SFMBT1: variants seen among roughly 807,000 people sequenced by gnomAD.
SFMBT1 encodes Scm like with four mbt domains 1, also known as scm-like with four MBT domains protein 1.
SFMBT1 carries 32 observed loss-of-function variants against 108.7 expected under a neutral mutation model. The ratio of observed to expected loss-of-function variants is 0.29; its 90% confidence interval spans 0.22 to 0.40. The LOEUF (loss-of-function observed/expected upper bound fraction) is 0.40. Ranked by LOEUF, SFMBT1 falls within the 10% of genes least tolerant of loss-of-function variation. The pLI is 1.00. For synonymous variants in SFMBT1, 348 were observed against 369.5 expected (o/e 0.94, Z 0.67); for missense variants, 816 against 1,059.6 (o/e 0.77, Z 3.19).
chr3:53,037,772 T>C (rs956710345), intron 1 of SFMBT1, among the ~76,000 whole-genome samples: 1 of 152,126 alleles, frequency 6.6e-6, no homozygotes, highest in African/African-American at 2.4e-5. Flanking sequence ...CCAGAAGTTT[T>C]GAGACCAGGT....
chr3:52,908,131 T>C (rs1702121561), intron 17 of SFMBT1, among the ~76,000 whole-genome samples: 1 of 144,406 alleles, frequency 6.9e-6, no homozygotes, highest in African/African-American at 2.6e-5. Flanking sequence ...TGGAGTGGAG[T>C]GGCACGATCT....
chr3:52,907,296 C>A lies in SFMBT1; in HGVS notation c.2104G>T (p.Glu702Ter). 1 of 1,613,360 alleles carries A rather than the reference C, an allele frequency of 6.2e-7. No homozygotes were observed. The highest frequency in any genetic ancestry group is 8.5e-7 in the Non-Finnish European group (1 of 1,179,770). ...TCATCCCCTTCATCTGGGTCATCCT[C>A]ATCTTCACCCCCACTTCCCTGCAGG... is the stretch of plus-strand genomic sequence containing the variant. ...GSPQGSGGED[E>*]DDPDEGDDDS... The change falls in exon 19 of 21, where the codon GAG (glutamate) becomes TAG (stop). Residue 702 changes from glutamate to a stop codon, truncating the protein, a stop_gained. Coordinates refer to ENST00000394752, the MANE Select transcript of SFMBT1 (RefSeq NM_016329.4). LOFTEE classifies it high-confidence loss of function.
chr3:52,960,877 C>T (rs1703938829), intron 2 of SFMBT1, among the ~76,000 whole-genome samples: 2 of 152,172 alleles, frequency 1.3e-5, no homozygotes, highest in African/African-American at 4.8e-5. Context: ...TGGCTCATGC[C>T]TGTAATCCCA....
intron 1 of SFMBT1, among the ~76,000 whole-genome samples, chr3:53,001,014 T>C (rs1698529780): frequency 6.7e-6 from 1 of 150,078 alleles, no homozygotes; most frequent in Non-Finnish European, 1.5e-5. Context: ...GAATAATGGA[T>C]ATTTGGATGT....
rs115868728 is a variant in SFMBT1, at chr3:52,914,706, T to C, written c.1481-1089A>G. Among the ~76,000 whole-genome samples the C allele has an allele frequency of 4.9e-3, 744 of 152,316 alleles. 8 individuals carry two copies. Among genetic ancestry groups the C allele is most frequent in the African/African-American group, 0.017 (697 of 41,556 alleles). On this transcript the variant is annotated intron_variant, in intron 14 of 20. Transcript: ENST00000394752. The stretch of plus-strand genomic sequence containing the variant: ...TTGCAGTGAGCTGATATCACTGCAC[T>C]GCACTCCAGCCTGGATGACACAGCG...
chr3:52,906,516 G>C (rs1260251239), intron 19 of SFMBT1, among the ~76,000 whole-genome samples: 1 of 152,230 alleles, frequency 6.6e-6, no homozygotes, highest in Non-Finnish European at 1.5e-5. Context: ...GTGCTGAAGA[G>C]AAGGGGATGA....
rs748520518 is a variant in SFMBT1 at position 52,907,679 on chromosome 3, T to C, written c.1961A>G (p.His654Arg). The C allele has an allele frequency of 2.5e-6, 4 of 1,614,166 alleles. No individual in the cohort carries two copies. Among genetic ancestry groups the C allele is most frequent in the South Asian group, 1.1e-5 (1 of 91,056 alleles). ...NKRIGRPPGG[H>R]SNLACALKKA... is the part of the protein sequence containing the mutation. ...TTTCAGGGCACAAGCTAAGTTACTA[T>C]GCCCACCAGGTGGCCTCCCAATTCT... The change falls in exon 18 of 21, where the codon CAT (histidine) becomes CGT (arginine). Residue 654 changes from histidine to arginine, a missense_variant. This residue lies in a region of SFMBT1 where 177 missense variants were observed against 182.0 expected (regional missense o/e 0.97). Coordinates refer to ENST00000394752, the MANE Select transcript of SFMBT1 (RefSeq NM_016329.4).
chr3:52,972,655 C>G (rs750388128), intron 1 of SFMBT1, among the ~76,000 whole-genome samples: 5 of 151,830 alleles, frequency 3.3e-5, no homozygotes, highest in Non-Finnish European at 7.4e-5. Flanking sequence ...CGCCTGTAAT[C>G]CCAGCACTTT....
chr3:53,006,072 A>T (rs986111702), intron 1 of SFMBT1, among the ~76,000 whole-genome samples: 1 of 152,234 alleles, frequency 6.6e-6, no homozygotes, highest in Admixed American at 6.5e-5. Context: ...TGCCTGAAGA[A>T]GTTGATTAGC....
At chr3:52,936,093 A>T (rs935188992) in intron 4 of SFMBT1, among the ~76,000 whole-genome samples, 1 of 152,222 alleles carries the variant, frequency 6.6e-6, no homozygotes, top group Non-Finnish European at 1.5e-5. Flanking sequence ...CCTCAAGAGC[A>T]TGAAGAGGCA....
chr3:52,962,934 T>G (rs1434559679), intron 2 of SFMBT1, among the ~76,000 whole-genome samples: 2 of 151,934 alleles, frequency 1.3e-5, no homozygotes, highest in African/African-American at 2.4e-5. Context: ...TAAAACTGGC[T>G]ATATATATGG....
chr3:52,909,198 T>G (rs1702155388), intron 17 of SFMBT1, among the ~76,000 whole-genome samples: 1 of 152,236 alleles, frequency 6.6e-6, no homozygotes. Flanking sequence ...TAATTTCAAC[T>G]ATATTATTGT....
Position 52,907,720 on chromosome 3 carries a change from T to A in SFMBT1, c.1920A>T (p.Gly640=). Residue 640 remains glycine (G), a synonymous_variant, in exon 18 of 21, where the codon GGA becomes GGT. Coordinates refer to ENST00000394752, the MANE Select transcript of SFMBT1 (RefSeq NM_016329.4). ...LTKTKYTHYY[G]KKKNKRIGRP... is the part of the protein sequence containing the mutation. Reference sequence around the variant, plus strand: ...TCCCAATTCTTTTATTTTTCTTCTTTCCGTAATAGTGTGCTAAATGTGGAT... The same window carrying A: ...TCCCAATTCTTTTATTTTTCTTCTTACCGTAATAGTGTGCTAAATGTGGAT... 6.2e-7 allele frequency: 1 copy of A among 1,608,722 alleles called. No individual in the cohort carries two copies. Among genetic ancestry groups the A allele is most frequent in the Non-Finnish European group, 8.5e-7 (1 of 1,178,708 alleles).
chr3:52,978,816 G>A (rs540559718), intron 1 of SFMBT1, among the ~76,000 whole-genome samples: 1 of 152,168 alleles, frequency 6.6e-6, no homozygotes, highest in East Asian at 1.9e-4. Flanking sequence ...CTACAACAAG[G>A]ATAACCTTGA....
intron 4 of SFMBT1, among the ~76,000 whole-genome samples, chr3:52,941,397 C>T (rs1362776041): frequency 6.6e-6 from 1 of 151,920 alleles, no homozygotes; most frequent in Non-Finnish European, 1.5e-5. Context: ...GGTTCAAGAC[C>T]AGCCTGGCCA....
At chr3:52,968,318 G>T (rs1311001080) in intron 2 of SFMBT1, among the ~76,000 whole-genome samples, 2 of 152,164 alleles carry the variant, frequency 1.3e-5, no homozygotes, top group African/African-American at 2.4e-5. Flanking sequence ...TCTTTGTGGT[G>T]ATGGAATAGT....
intron 1 of SFMBT1, among the ~76,000 whole-genome samples, chr3:52,977,565 A>G (rs1704559996): frequency 1.3e-5 from 2 of 152,160 alleles, no homozygotes; most frequent in Admixed American, 1.3e-4. Flanking sequence ...CAATCAATAC[A>G]TAATGGCACA....
At chr3:53,014,979 G>A (rs1239894296) in intron 1 of SFMBT1, among the ~76,000 whole-genome samples, 1 of 152,182 alleles carries the variant, frequency 6.6e-6, no homozygotes, top group African/African-American at 2.4e-5. Flanking sequence ...CAGCACTTTG[G>A]GAGGCTGGCA....
At chr3:52,981,164 GAAAAA>G (rs35322172) in intron 1 of SFMBT1, among the ~76,000 whole-genome samples, 17 of 107,424 alleles carry the variant, frequency 1.6e-4, no homozygotes, top group Admixed American at 4.5e-4. Flanking sequence ...TTCCATCTCA[GAAAAA>G]AAAAAAAAAA....
Sources: gnomAD v4.1 joint callset for allele counts (sites outside exome capture counted in the v4.1 genomes callset) on GRCh38, gnomAD v4.1.1 for gene constraint, gnomAD v4.1.1 regional missense constraint, MANE v1.5 for transcripts, NCBI Gene and HGNC (gene_info 2026-07-23, HGNC 2026-07-21) for gene names.